EIF2AK3: variants seen among roughly 807,000 people sequenced by gnomAD.
The protein encoded by EIF2AK3 is eukaryotic translation initiation factor 2-alpha kinase 3.
A neutral mutation model predicts 113.5 loss-of-function variants in EIF2AK3; 50 were observed. The ratio of observed to expected loss-of-function variants is 0.44; its 90% CI spans 0.35 to 0.56. EIF2AK3 has a LOEUF of 0.56. Among genes scored for constraint, EIF2AK3 ranks in the 20% least tolerant of loss-of-function variants. The pLI, the probability that EIF2AK3 is intolerant of heterozygous loss-of-function variation, is 0.00. For synonymous variants in EIF2AK3, 448 were observed against 495.4 expected, an observed-to-expected ratio of 0.90 and a Z score of 1.27; for missense variants, 1,185 against 1,378.0, an observed-to-expected ratio of 0.86 and a Z score of 2.22.
intron 1 of EIF2AK3, among the ~76,000 whole-genome samples, chr2:88,621,535 G>C (rs1675723157): frequency 1.3e-5 from 2 of 152,100 alleles, no homozygotes; most frequent in South Asian, 2.1e-4. Context: ...GGTTGAACCT[G>C]TTTTTTTGGC....
In EIF2AK3 at chr2:88,557,490, C is replaced by T. The variant is rs998521056; in HGVS notation, c.*246G>A. The T allele has an allele frequency of 1.9e-6, 1 of 537,556 alleles. No individual in the cohort carries two copies. The highest frequency in any genetic ancestry group is 3.3e-6 in the Non-Finnish European group (1 of 300,332). 33.3% of individuals were successfully genotyped at this position (537,556 alleles called of 1,614,324 possible). ...AATGGTGAGGGCTATAAAGCTTGGC[C>T]AGCAGCCAGTTTCAAGAGACTAACA... On this transcript the variant is annotated 3_prime_UTR_variant, in exon 17 of 17. Transcript: ENST00000303236.
intron 15 of EIF2AK3, 45 bp from the exon 16 acceptor site, chr2:88,559,024 C>G: frequency 2.2e-6 from 3 of 1,337,996 alleles, no homozygotes; most frequent in Non-Finnish European, 3.2e-6. Context: ...TTTTGACATA[C>G]AACATGAAAA....
chr2:88,596,093 AATAG>A (rs1217489333), intron 2 of EIF2AK3, among the ~76,000 whole-genome samples: 2 of 152,200 alleles, frequency 1.3e-5, no homozygotes, highest in Non-Finnish European at 2.9e-5. Flanking sequence ...TTAATGTGTA[AATAG>A]ATAATATATG....
At chr2:88,624,140 C>T (rs1429315966) in intron 1 of EIF2AK3, among the ~76,000 whole-genome samples, 1 of 152,070 alleles carries the variant, frequency 6.6e-6, no homozygotes, top group Non-Finnish European at 1.5e-5. Context: ...TACAGGCACC[C>T]GCCACCATGC....
At chr2:88,569,128 T>C (rs962789308) in intron 14 of EIF2AK3, among the ~76,000 whole-genome samples, 13 of 152,096 alleles carry the variant, frequency 8.5e-5, no homozygotes, top group African/African-American at 3.1e-4. Flanking sequence ...TGGCCTCAGG[T>C]AATCTGCCTG....
chr2:88,571,507 C>T (rs747782794), intron 13 of EIF2AK3, among the ~76,000 whole-genome samples: 9 of 152,270 alleles, frequency 5.9e-5, no homozygotes, highest in Non-Finnish European at 1.2e-4. Flanking sequence ...AGTACTAACC[C>T]CATTTTACAG....
At chr2:88,581,716 T>C (rs1011691104) in intron 10 of EIF2AK3, among the ~76,000 whole-genome samples, 1 of 152,240 alleles carries the variant, frequency 6.6e-6, no homozygotes, top group Non-Finnish European at 1.5e-5. Flanking sequence ...TGACAGTCAC[T>C]GATATATTAG....
At position 88,557,044 on chromosome 2, in the gene EIF2AK3, C is replaced by G. The variant is rs924557002; in HGVS notation, c.*692G>C. On this transcript the variant is annotated 3_prime_UTR_variant, in exon 17 of 17. Coordinates refer to ENST00000303236, the MANE Select transcript of EIF2AK3 (RefSeq NM_004836.7). ...TAGTTGTAATATATATGATCCATTT[C>G]TTACTACGGCTTTTTTCCTCCCAAA... The G allele has an allele frequency of 3.9e-5, 6 of 152,646 alleles. No individual in the cohort carries two copies. Among genetic ancestry groups the G allele is most frequent in the Non-Finnish European group, 4.4e-5 (3 of 68,072 alleles). 9.5% of individuals were successfully genotyped at this position (152,646 alleles called of 1,614,324 possible).
chr2:88,584,575 G>A (rs1008305262), intron 9 of EIF2AK3, among the ~76,000 whole-genome samples: 6 of 146,100 alleles, frequency 4.1e-5, no homozygotes, highest in Middle Eastern at 3.2e-3. Context: ...GGTAGAGAGA[G>A]AAATTAGGAA....
At position 88,585,963 on chromosome 2, in the gene EIF2AK3, T is replaced by C. The variant is rs1674719738; in HGVS notation, c.1528A>G (p.Ile510Val). ...AGAAGAACAGGATCCTTTTTGCGGA[T>C]ATTCTTGTTGTAATGTGGGTTGTCG... The part of the protein sequence containing the change: ...FLDNPHYNKN[I>V]RKKDPVLLLH... The change falls in exon 9 of 17, where the codon ATC becomes GTC. Residue 510 changes from isoleucine to valine, a missense_variant. Physicochemically the swap from Ile to Val is conservative, Grantham distance 29. Transcript: ENST00000303236. 1.9e-6 allele frequency: 3 copies of C among 1,614,204 alleles called. No homozygotes were observed. The highest frequency in any genetic ancestry group is 2.5e-6 in the Non-Finnish European group (3 of 1,180,008).
At chr2:88,574,475 G>C (rs1674399259) in intron 13 of EIF2AK3, 191 bp downstream of exon 13, 1 of 645,066 alleles carries the variant, frequency 1.6e-6, no homozygotes, top group Non-Finnish European at 2.7e-6. Flanking sequence ...TGCATGGTTT[G>C]CCTAAAGTTT....
chr2:88,584,482 A>C (rs898379499), intron 9 of EIF2AK3, among the ~76,000 whole-genome samples: 1 of 144,840 alleles, frequency 6.9e-6, no homozygotes, highest in Non-Finnish European at 1.5e-5. Flanking sequence ...GTGCCACTGC[A>C]TTCCAGCTTG....
At chr2:88,600,579 A>T (rs1421755344) in intron 2 of EIF2AK3, among the ~76,000 whole-genome samples, 1 of 152,048 alleles carries the variant, frequency 6.6e-6, no homozygotes, top group African/African-American at 2.4e-5. Context: ...GTGCTAGCAA[A>T]CTCCCAGAGT....
chr2:88,584,496 GACAGAGTGA>G (rs1674670654), intron 9 of EIF2AK3, among the ~76,000 whole-genome samples: 1 of 135,664 alleles, frequency 7.4e-6, no homozygotes, highest in African/African-American at 2.9e-5. Flanking sequence ...CAGCTTGGGT[GACAGAGTGA>G]GATGAGTGAG....
At chr2:88,582,250 T>C (rs113410465) in intron 10 of EIF2AK3, among the ~76,000 whole-genome samples, 4 of 152,190 alleles carry the variant, frequency 2.6e-5, no homozygotes, top group Middle Eastern at 3.4e-3. Flanking sequence ...TAAGGGGAAA[T>C]TGGATTGCTG....
intron 2 of EIF2AK3, among the ~76,000 whole-genome samples, chr2:88,603,598 G>GC (rs1474835643): frequency 1.3e-5 from 2 of 152,198 alleles, no homozygotes; most frequent in East Asian, 3.9e-4. Context: ...CTGAAGGAAA[G>GC]CAGGATAATC....
intron 14 of EIF2AK3, among the ~76,000 whole-genome samples, chr2:88,566,314 GT>G (rs772028540): frequency 2.8e-4 from 43 of 152,124 alleles, no homozygotes; most frequent in Non-Finnish European, 5.0e-4. Flanking sequence ...TTTAAAAAAA[GT>G]TTTTTACATT....
chr2:88,611,430 C>T (rs1295478876), intron 2 of EIF2AK3, among the ~76,000 whole-genome samples: 1 of 152,086 alleles, frequency 6.6e-6, no homozygotes, highest in Non-Finnish European at 1.5e-5. Context: ...AAGAAATGGT[C>T]CCAAGAATTT....
At chr2:88,574,386 C>T (rs1573392332) in intron 13 of EIF2AK3, 10 of 462,688 alleles carry the variant, frequency 2.2e-5, no homozygotes, top group Middle Eastern at 6.1e-4. Flanking sequence ...ATTCTTTTTT[C>T]TTTTTTTTCC....
Sources: allele counts gnomAD v4.1 joint callset (sites outside exome capture counted in the v4.1 genomes callset), GRCh38; gene constraint gnomAD v4.1.1; transcripts MANE v1.5; gene names NCBI Gene and HGNC (gene_info 2026-07-23, HGNC 2026-07-21).